OBSL1: variants seen among roughly 807,000 people sequenced by gnomAD.
The protein encoded by OBSL1 is obscurin-like protein 1.
In OBSL1, 160 loss-of-function variants were observed where a neutral mutation model predicts 172.0. The observed-to-expected ratio is 0.93, with a 90% CI of 0.82 to 1.06. The LOEUF (loss-of-function observed/expected upper bound fraction) is 1.06, where lower values mean the gene tolerates loss of function less well. Ranked by LOEUF, OBSL1 falls within the 50% of genes least tolerant of loss-of-function variation. The pLI, the probability that OBSL1 is intolerant of heterozygous loss-of-function variation, is 0.00. For missense variants in OBSL1, 2,681 were observed against 2,715.4 expected (o/e 0.99, Z 0.28); for synonymous variants, 1,200 against 1,196.3 (o/e 1.00, Z -0.06).
At chr2:219,563,305 G>A (rs1247860944) in intron 7 of OBSL1, 50 bp downstream of exon 7, 5 of 1,490,810 alleles carry the variant, frequency 3.4e-6, no homozygotes, top group Admixed American at 2.3e-5. Flanking sequence ...TGTTCCAGTG[G>A]GAGCAGGGGC....
At chr2:219,552,826 C>A in intron 17 of OBSL1, 42 bp downstream of exon 17, 1 of 1,538,368 alleles carries the variant, frequency 6.5e-7, no homozygotes, top group Non-Finnish European at 8.8e-7. Flanking sequence ...GCAAGTCTCG[C>A]GCCCAAAGCA....
intron 12 of OBSL1, 93 bp from the exon 13 acceptor site, chr2:219,556,816 C>T: frequency 1.3e-5 from 17 of 1,356,432 alleles, no homozygotes; most frequent in Non-Finnish European, 1.7e-5. Flanking sequence ...CGTCCCCAGT[C>T]ATTTAACAGA....
At chr2:219,553,146 C>G (rs1695757583) in intron 16 of OBSL1, 122 bp from the exon 17 acceptor site, 1 of 1,300,506 alleles carries the variant, frequency 7.7e-7, no homozygotes, top group Middle Eastern at 2.8e-4. Context: ...ATGCGTGTCT[C>G]GTGTTCCCAG....
Position 219,567,376 on chromosome 2 carries a change from C to T in OBSL1, c.1734G>A (p.Pro578=), listed in dbSNP as rs181182663. The T allele has an allele frequency of 3.0e-3, 4,888 of 1,612,700 alleles. 26 individuals are homozygous for T. The highest frequency in any genetic ancestry group is 4.5e-3 in the South Asian group (413 of 90,832). Reference sequence around the variant, plus strand: ...CACCCTCGGAGGGCACACAGTCGCCCGGCACCTCCACGGCTCCGGCTTTCT... The same window carrying T: ...CACCCTCGGAGGGCACACAGTCGCCTGGCACCTCCACGGCTCCGGCTTTCT... The part of the protein sequence containing the change: ...SIEKAGAVEV[P]GDCVPSEGDY... The change falls in exon 4 of 21, where the codon CCG becomes CCA. Residue 578 remains proline (P), a synonymous_variant. Coordinates refer to ENST00000404537, the MANE Select transcript of OBSL1 (RefSeq NM_015311.3).
chr2:219,552,769 C>T (rs1032808694), intron 17 of OBSL1, 72 bp from the exon 18 acceptor site: 340 of 1,515,246 alleles, frequency 2.2e-4, no homozygotes, highest in Non-Finnish European at 2.7e-4. Flanking sequence ...TCCACGCCCC[C>T]TTTCTAGAAG....
chr2:219,560,087 A>G (rs922887898), intron 8 of OBSL1, among the ~76,000 whole-genome samples: 4 of 152,238 alleles, frequency 2.6e-5, no homozygotes, highest in African/African-American at 9.6e-5. Context: ...GACACTTCCT[A>G]AGGTCCAGGA....
In OBSL1 at chr2:219,552,099, CCCAGGTGCTTACCCT is replaced by C. The variant is rs748781346; in HGVS notation, c.5411_5413+12del. ...GATGTACACTCTCTGTCGCTCCCACCCCAGGTGCTTACCCTCCACTTCCAGTAGAGCCAGGGACTG... is the reference window on the plus strand; with the variant it reads ...GATGTACACTCTCTGTCGCTCCCACCCCACTTCCAGTAGAGCCAGGGACTG... On this transcript the variant is annotated splice_donor_variant and splice_donor_5th_base_variant and coding_sequence_variant and intron_variant, in exon 19 of 21. Transcript: ENST00000404537. LOFTEE classifies it high-confidence loss of function. 2.5e-6 allele frequency: 4 copies of C among 1,598,406 alleles called. No homozygotes were observed. In the South Asian group the frequency reaches 4.5e-5, roughly 18 times the overall value.
intron 14 of OBSL1, chr2:219,555,540 A>G: frequency 1.3e-6 from 1 of 783,708 alleles, no homozygotes. Context: ...TTGGCCTCCC[A>G]AAGTGTTAGG....
downstream of OBSL1, chr2:219,550,622 C>T: frequency 1.0e-5 from 6 of 594,412 alleles, no homozygotes; most frequent in Non-Finnish European, 1.7e-5. Context: ...CTGGCACTTT[C>T]ATGGGCCAGG....
In OBSL1 at chr2:219,568,923, A is replaced by G. The variant is rs1697132857; in HGVS notation, c.1013-599T>C. The stretch of plus-strand genomic sequence containing the variant: ...CACCACGCCTGGCTAATGATTTTGT[A>G]TTTTTAGTAGAGATGGGGTTTTGCC... On this transcript the variant is annotated intron_variant, in intron 1 of 20. Transcript: ENST00000404537. This position sits in a 1 kb window ranked among gnomAD's most constrained non-coding sequence, Gnocchi z 4.1. 6.6e-6 allele frequency among the ~76,000 whole-genome samples: 1 copy of G among 151,496 alleles called. No individual in the cohort carries two copies. The highest frequency in any genetic ancestry group is 2.4e-5 in the African/African-American group (1 of 41,218).
intron 8 of OBSL1, among the ~76,000 whole-genome samples, chr2:219,560,131 C>T (rs934271693): frequency 6.6e-5 from 10 of 152,204 alleles, no homozygotes; most frequent in South Asian, 2.1e-4. Flanking sequence ...TTAACTCTCA[C>T]GGCAATCCTA....
At chr2:219,570,167 G>C in intron 1 of OBSL1, 54 bp downstream of exon 1, 2 of 1,426,838 alleles carry the variant, frequency 1.4e-6, no homozygotes, top group Non-Finnish European at 1.9e-6. Context: ...CTGGAGTTCG[G>C]AGGGCCTCGG....
intron 18 of OBSL1, 157 bp from the exon 19 acceptor site, chr2:219,552,373 G>A (rs1008743840): frequency 5.8e-6 from 5 of 866,846 alleles, no homozygotes; most frequent in Admixed American, 2.5e-5. Context: ...CTAGAGGTCC[G>A]GGACTAGGGG....
At position 219,552,853 on chromosome 2, in the gene OBSL1, TCACCCCGTAC is replaced by T. The variant is rs2106010585; in HGVS notation, c.5146+5_5146+14del. 1.3e-6 allele frequency: 2 copies of T among 1,542,828 alleles called. No homozygotes were observed. The highest frequency in any genetic ancestry group is 2.4e-5 in the South Asian group (2 of 83,822). On this transcript the variant is annotated splice_donor_5th_base_variant and intron_variant, in intron 17 of 20. Coordinates refer to ENST00000404537, the MANE Select transcript of OBSL1 (RefSeq NM_015311.3). ...CCCAAAGCAGTGCCCAGCCTCCACA[TCACCCCGTAC>T]CCACCGCGCACGGTCAGGCGGACCG...
chr2:219,567,694 G>A, intron 3 of OBSL1, 24 bp downstream of exon 3: 2 of 1,601,798 alleles, frequency 1.2e-6, no homozygotes, highest in Non-Finnish European at 1.7e-6. Context: ...TGCCTCGCCT[G>A]TCCAGAGGCC....
intron 8 of OBSL1, among the ~76,000 whole-genome samples, chr2:219,560,168 T>C (rs1194066275): frequency 6.6e-6 from 1 of 152,146 alleles, no homozygotes; most frequent in Admixed American, 6.5e-5. Context: ...TTGTCCCCAT[T>C]TTCCATATAA....
Position 219,567,985 on chromosome 2 carries a change from G to A in OBSL1, c.1283-16C>T, listed in dbSNP as rs1175755600. 1 of 1,611,914 alleles carries A rather than the reference G, an allele frequency of 6.2e-7. No individual in the cohort carries two copies. The highest frequency in any genetic ancestry group is 1.1e-5 in the South Asian group (1 of 91,048). On this transcript the variant is annotated splice_polypyrimidine_tract_variant and intron_variant, in intron 2 of 20. Coordinates refer to ENST00000404537, the MANE Select transcript of OBSL1 (RefSeq NM_015311.3). ...AGGATGGGCCCTGAGATGCGGACAG[G>A]AATCCATCAACCTGGAATCTGAGCA...
In OBSL1 at chr2:219,567,364, C is replaced by G. The variant is rs1023157352; in HGVS notation, c.1746G>C (p.Val582=). 6.2e-7 allele frequency: 1 copy of G among 1,612,802 alleles called. No individual in the cohort carries two copies. The highest frequency in any genetic ancestry group is 1.7e-5 in the Admixed American group (1 of 59,898). Residue 582 remains valine, a synonymous_variant, in exon 4 of 21, where the codon GTG becomes GTC. Transcript: ENST00000404537. ...AGAVEVPGDC[V]PSEGDYRFRI... is the part of the protein sequence containing the mutation. ...GGAAGCGGTAGTCACCCTCGGAGGG[C>G]ACACAGTCGCCCGGCACCTCCACGG...
intron 12 of OBSL1, chr2:219,557,086 A>G: frequency 4.1e-6 from 2 of 492,140 alleles, no homozygotes; most frequent in Admixed American, 3.7e-5. Flanking sequence ...TCACACAGCT[A>G]CTGGGGCACA....
Sources: gnomAD v4.1 joint callset for allele counts (sites outside exome capture counted in the v4.1 genomes callset) on GRCh38, gnomAD v4.1.1 for gene constraint, Gnocchi (gnomAD v3.1) non-coding constraint, MANE v1.5 for transcripts, NCBI Gene and HGNC (gene_info 2026-07-23, HGNC 2026-07-21) for gene names.